RGCC: variants seen among roughly 807,000 people sequenced by gnomAD.
RGCC encodes regulator of cell cycle RGCC.
A neutral mutation model predicts 15.4 loss-of-function variants in RGCC; 15 were observed. The ratio of observed to expected loss-of-function variants is 0.97; its 90% CI spans 0.65 to 1.50. The LOEUF (loss-of-function observed/expected upper bound fraction) is 1.50. RGCC is among the 40% of genes most tolerant of loss of function. RGCC has a pLI of 0.00. For missense variants in RGCC, 176 were observed against 189.7 expected (o/e 0.93, Z 0.42); for synonymous variants, 81 against 78.0 (o/e 1.04, Z -0.20).
chr13:41,467,109 A>T (rs1025557445), intron 3 of RGCC, among the ~76,000 whole-genome samples, 179 bp downstream of exon 3: 2 of 152,230 alleles, frequency 1.3e-5, no homozygotes, highest in Non-Finnish European at 2.9e-5. Flanking sequence ...CAGGATTTTA[A>T]TCAGTGTGAA....
rs769300198 is a variant in RGCC at position 41,458,479 on chromosome 13, G to T, written c.235+9G>T. 1.5e-5 allele frequency: 24 copies of T among 1,590,406 alleles called. No individual in the cohort carries two copies. The South Asian group carries it at 2.4e-4, about 16-fold the overall frequency. On this transcript the variant is annotated intron_variant, in intron 2 of 4. Transcript: ENST00000379359. The surrounding 1 kb of genome is among the most constrained non-coding windows in gnomAD (Gnocchi z 4.4). ...CTTCAGCGACTCGGAGAGTAAGTGC[G>T]GCCCCCGCTAGGATGGCGCCGGGAT...
rs1187392285 is a variant in RGCC, at chr13:41,458,492, A to G, written c.235+22A>G. The G allele has an allele frequency of 6.3e-7, 1 of 1,581,016 alleles. No homozygotes were observed. The highest frequency in any genetic ancestry group is 1.7e-4 in the Middle Eastern group (1 of 5,884). On this transcript the variant is annotated intron_variant, in intron 2 of 4. Coordinates refer to ENST00000379359, the MANE Select transcript of RGCC (RefSeq NM_014059.3). The surrounding 1 kb of genome is among the most constrained non-coding windows in gnomAD (Gnocchi z 4.4). The stretch of plus-strand genomic sequence containing the variant: ...GAGAGTAAGTGCGGCCCCCGCTAGG[A>G]TGGCGCCGGGATCTCCCAGCTCCCA...
chr13:41,460,904 T>C (rs2043818253), intron 2 of RGCC, among the ~76,000 whole-genome samples: 2 of 152,110 alleles, frequency 1.3e-5, no homozygotes, highest in Admixed American at 1.3e-4. Context: ...TGTCTGAAGG[T>C]GCACCAACCT....
At chr13:41,470,047 T>C (rs1260530585) in intron 4 of RGCC, among the ~76,000 whole-genome samples, 1 of 152,212 alleles carries the variant, frequency 6.6e-6, no homozygotes, top group East Asian at 1.9e-4. Flanking sequence ...TATTCTTTGC[T>C]AAAGAGCCGG....
In RGCC at chr13:41,458,734, C is replaced by T. The variant is rs777234239; in HGVS notation, c.235+264C>T. 3.3e-5 allele frequency among the ~76,000 whole-genome samples: 5 copies of T among 152,176 alleles called. No homozygotes were observed. The highest frequency in any genetic ancestry group is 7.3e-5 in the Non-Finnish European group (5 of 68,044). On this transcript the variant is annotated intron_variant, in intron 2 of 4. Coordinates refer to ENST00000379359, the MANE Select transcript of RGCC (RefSeq NM_014059.3). The surrounding 1 kb of genome is among the most constrained non-coding windows in gnomAD (Gnocchi z 4.4). Reference sequence around the variant, plus strand: ...TGTCCCGACTCAGCCAGACAGGACTCCCTGGACCTGCACCAGGCCTTTCCG... The same window carrying T: ...TGTCCCGACTCAGCCAGACAGGACTTCCTGGACCTGCACCAGGCCTTTCCG...
intron 2 of RGCC, among the ~76,000 whole-genome samples, chr13:41,460,924 G>A (rs2043818295): frequency 6.6e-6 from 1 of 152,138 alleles, no homozygotes; most frequent in Non-Finnish European, 1.5e-5. Flanking sequence ...TTACAAGGAA[G>A]ATCAAACAGC....
At position 41,470,606 on chromosome 13, in the gene RGCC, A is replaced by T; in HGVS notation, c.*121A>T. The T allele has an allele frequency of 1.0e-6, 1 of 968,304 alleles. No homozygotes were observed. Among genetic ancestry groups the T allele is most frequent in the Non-Finnish European group, 1.7e-6 (1 of 598,924 alleles). 60.0% of individuals were successfully genotyped at this position (968,304 alleles called of 1,614,324 possible). A position where few individuals can be genotyped will look rare whatever the true frequency, so the allele number is the denominator to read the frequency against. On this transcript the variant is annotated 3_prime_UTR_variant, in exon 5 of 5. Coordinates refer to ENST00000379359, the MANE Select transcript of RGCC (RefSeq NM_014059.3). ...GACAAAGACGTGCACTCAACCTTCT[A>T]CCAGGCCACTCTCAGGCTCACCTTA... is the stretch of plus-strand genomic sequence containing the variant.
At chr13:41,463,430 A>T (rs2043716716) in intron 2 of RGCC, among the ~76,000 whole-genome samples, 1 of 122,004 alleles carries the variant, frequency 8.2e-6, no homozygotes, top group South Asian at 3.0e-4. Context: ...GAGTGAAGTC[A>T]TGGTGTGGCA....
chr13:41,458,234 TCCC>T lies in RGCC; in HGVS notation c.50-50_50-48del. On this transcript the variant is annotated intron_variant, in intron 1 of 4. Coordinates refer to ENST00000379359, the MANE Select transcript of RGCC (RefSeq NM_014059.3). The surrounding 1 kb of genome is among the most constrained non-coding windows in gnomAD (Gnocchi z 4.4). ...GGCCCCTCCTGGCCCTGGGAGGTGG[TCCC>T]GCTGCCCCCCTGACTTCCGTGCACT... 6.9e-7 allele frequency: 1 copy of T among 1,452,258 alleles called. No individual in the cohort carries two copies. The allele number at this position is 1,452,258 out of a possible 1,614,324, so 90.0% of individuals were successfully genotyped here. A position where few individuals can be genotyped will look rare whatever the true frequency, so the allele number is the denominator to read the frequency against.
intron 2 of RGCC, among the ~76,000 whole-genome samples, chr13:41,464,690 G>A (rs1371733553): frequency 6.6e-6 from 1 of 152,196 alleles, no homozygotes; most frequent in African/African-American, 2.4e-5. Flanking sequence ...AGGTGTACCT[G>A]ATCACACAGC....
Position 41,457,702 on chromosome 13 carries a change from C to A in RGCC, c.-6C>A. 2 of 1,486,060 alleles carry A rather than the reference C, an allele frequency of 1.3e-6. No individual in the cohort carries two copies. Among genetic ancestry groups the A allele is most frequent in the Admixed American group, 2.4e-5 (1 of 41,224 alleles). The allele number at this position is 1,486,060 out of a possible 1,614,324, so 92.1% of individuals were successfully genotyped here. ...CCACGCGCGCCGGGCCCAGCTGAGC[C>A]GCCTCATGAAGCCGCCCGCGGCGCA... On this transcript the variant is annotated 5_prime_UTR_variant, in exon 1 of 5. Transcript: ENST00000379359. The surrounding 1 kb of genome is among the most constrained non-coding windows in gnomAD (Gnocchi z 4.9).
At position 41,457,660 on chromosome 13, in the gene RGCC, C is replaced by T; in HGVS notation, c.-48C>T. 6.7e-7 allele frequency: 1 copy of T among 1,501,940 alleles called. No individual in the cohort carries two copies. Among genetic ancestry groups the T allele is most frequent in the Non-Finnish European group, 8.9e-7 (1 of 1,127,076 alleles). 93.0% of individuals were successfully genotyped at this position (1,501,940 alleles called of 1,614,324 possible). On this transcript the variant is annotated 5_prime_UTR_variant, in exon 1 of 5. Transcript: ENST00000379359. This position sits in a 1 kb window ranked among gnomAD's most constrained non-coding sequence, Gnocchi z 4.9. ...AGCCCCCGAATAGCCCCGGCTGCCA[C>T]CTCGCAGGACCCAAGGCCACGCGCG...
chr13:41,468,357 A>G (rs2043858405), intron 3 of RGCC, among the ~76,000 whole-genome samples: 2 of 152,100 alleles, frequency 1.3e-5, no homozygotes, highest in African/African-American at 2.4e-5. Context: ...TTGACTAATA[A>G]CTCATATTCT....
At chr13:41,460,134 C>A (rs2043814260) in intron 2 of RGCC, among the ~76,000 whole-genome samples, 1 of 152,116 alleles carries the variant, frequency 6.6e-6, no homozygotes, top group Non-Finnish European at 1.5e-5. Context: ...CGGACTAACC[C>A]TTAGTTTGGT....
chr13:41,457,637 C>A lies in RGCC; in HGVS notation c.-71C>A, dbSNP rs1452295814. On this transcript the variant is annotated 5_prime_UTR_variant, in exon 1 of 5. Coordinates refer to ENST00000379359, the MANE Select transcript of RGCC (RefSeq NM_014059.3). This position sits in a 1 kb window ranked among gnomAD's most constrained non-coding sequence, Gnocchi z 4.9. ...GGGCTGAAGTGTGCGGGACAGCAAG[C>A]CCCCGAATAGCCCCGGCTGCCACCT... is the stretch of plus-strand genomic sequence containing the variant. The A allele has an allele frequency of 2.1e-5, 31 of 1,499,212 alleles. No homozygotes were observed. The highest frequency in any genetic ancestry group is 2.9e-5 in the East Asian group (1 of 34,104). The allele number at this position is 1,499,212 out of a possible 1,614,324, so 92.9% of individuals were successfully genotyped here. A position where few individuals can be genotyped will look rare whatever the true frequency, so the allele number is the denominator to read the frequency against.
At position 41,469,264 on chromosome 13, in the gene RGCC, GTAATAATAATAATAA is replaced by G. The variant is rs767884291; in HGVS notation, c.406+445_406+459del. Among the ~76,000 whole-genome samples the G allele has an allele frequency of 2.5e-3, 336 of 136,606 alleles. 2 individuals carry two copies. Among genetic ancestry groups the G allele is most frequent in the South Asian group, 7.3e-3 (31 of 4,246 alleles). 89.6% of individuals were successfully genotyped at this position (136,606 alleles called of 152,430 possible). ...GACAGAGCAAGACTCCGTCAAAATA[GTAATAATAATAATAA>G]TAATAATAATAATAATAAGAAGAAG... On this transcript the variant is annotated intron_variant, in intron 4 of 4. Transcript: ENST00000379359.
rs2043807545 is a variant in RGCC, at chr13:41,458,855, G to A, written c.235+385G>A. 6.6e-6 allele frequency among the ~76,000 whole-genome samples: 1 copy of A among 152,216 alleles called. No homozygotes were observed. The highest frequency in any genetic ancestry group is 1.5e-5 in the Non-Finnish European group (1 of 68,040). ...GCCAGTGGAATGAGGGGGCACAGTG[G>A]GGACATGGGAGGGCGCAGAACGGAA... On this transcript the variant is annotated intron_variant, in intron 2 of 4. Transcript: ENST00000379359. This position sits in a 1 kb window ranked among gnomAD's most constrained non-coding sequence, Gnocchi z 4.4.
In RGCC at chr13:41,457,671, C is replaced by A. The variant is rs773865896; in HGVS notation, c.-37C>A. 2 of 1,499,304 alleles carry A rather than the reference C, an allele frequency of 1.3e-6. No individual in the cohort carries two copies. Among genetic ancestry groups the A allele is most frequent in the Non-Finnish European group, 1.8e-6 (2 of 1,125,786 alleles). The allele number at this position is 1,499,304 out of a possible 1,614,324, so 92.9% of individuals were successfully genotyped here. Reference sequence around the variant, plus strand: ...AGCCCCGGCTGCCACCTCGCAGGACCCAAGGCCACGCGCGCCGGGCCCAGC... The same window carrying A: ...AGCCCCGGCTGCCACCTCGCAGGACACAAGGCCACGCGCGCCGGGCCCAGC... On this transcript the variant is annotated 5_prime_UTR_variant, in exon 1 of 5. Transcript: ENST00000379359. This position sits in a 1 kb window ranked among gnomAD's most constrained non-coding sequence, Gnocchi z 4.9.
chr13:41,468,716 T>C (rs1482581702), intron 3 of RGCC, 60 bp from the exon 4 acceptor site: 9 of 1,323,252 alleles, frequency 6.8e-6, no homozygotes, highest in Non-Finnish European at 9.7e-6. Context: ...AGTCATCAGC[T>C]GTCTTTGTTA....
Sources: gnomAD v4.1 joint callset for allele counts (sites outside exome capture counted in the v4.1 genomes callset) on GRCh38, gnomAD v4.1.1 for gene constraint, Gnocchi (gnomAD v3.1) non-coding constraint, MANE v1.5 for transcripts, NCBI Gene and HGNC (gene_info 2026-07-23, HGNC 2026-07-21) for gene names.